The following LHFPL3 variants were observed in gnomAD, a reference collection of about 807,000 sequenced individuals.
LHFPL3 encodes the protein LHFPL tetraspan subfamily member 3, also known as LHFPL tetraspan subfamily member 3 protein.
In LHFPL3, 5 loss-of-function variants were observed where a neutral mutation model predicts 19.3. That is an observed-to-expected ratio of 0.26 (90% CI 0.14 to 0.54). The LOEUF (loss-of-function observed/expected upper bound fraction) is 0.54. Ranked by LOEUF, LHFPL3 falls within the 20% of genes least tolerant of loss-of-function variation. The pLI is 0.94. For synonymous variants in LHFPL3, 133 were observed against 126.2 expected (o/e 1.05, Z -0.36); for missense variants, 249 against 307.4 (o/e 0.81, Z 1.42).
intron 1 of LHFPL3, among the ~76,000 whole-genome samples, chr7:104,705,029 G>A (rs1793167043): frequency 6.6e-6 from 1 of 152,116 alleles, no homozygotes; most frequent in Non-Finnish European, 1.5e-5. Flanking sequence ...ATGGGCTGTG[G>A]TTAATCACAT....
At chr7:104,851,857 C>A (rs1269929973) in intron 2 of LHFPL3, among the ~76,000 whole-genome samples, 2 of 152,114 alleles carry the variant, frequency 1.3e-5, no homozygotes, top group Non-Finnish European at 2.9e-5. Context: ...GCAAAGATAC[C>A]ATCTGCTTGG....
At chr7:104,599,128 C>G (rs781735745) in intron 1 of LHFPL3, among the ~76,000 whole-genome samples, 3 of 152,124 alleles carry the variant, frequency 2.0e-5, no homozygotes, top group Non-Finnish European at 4.4e-5. Flanking sequence ...ATGATTCTTA[C>G]AGATAATAGA....
At chr7:104,495,357 A>G (rs1793441907) in intron 1 of LHFPL3, among the ~76,000 whole-genome samples, 1 of 151,676 alleles carries the variant, frequency 6.6e-6, no homozygotes. Flanking sequence ...ACAGGTGTAC[A>G]CAGCCATGTC....
At chr7:104,782,838 T>C (rs559939327) in intron 2 of LHFPL3, among the ~76,000 whole-genome samples, 1 of 152,374 alleles carries the variant, frequency 6.6e-6, no homozygotes, top group South Asian at 2.1e-4. Context: ...AAGCATGCCA[T>C]GCTTTCACTT....
intron 2 of LHFPL3, chr7:104,785,495 G>A (rs1789894782): frequency 6.6e-6 from 1 of 152,264 alleles, no homozygotes; most frequent in South Asian, 2.1e-4. Context: ...ACCTCCAGCT[G>A]ACTGTCCCAT....
Position 104,736,712 on chromosome 7 carries a change from T to C in LHFPL3, c.483T>C (p.Asp161=), listed in dbSNP as rs771308907. ...TGCTTGGCTGTATGATTTTCCCTGA[T>C]GGCTGGGACTCAGATGAAGTAAAAC... ...CLVLGCMIFP[D]GWDSDEVKRM... The change falls in exon 2 of 3, where the codon GAT becomes GAC. Residue 161 remains aspartate, a synonymous_variant. Coordinates refer to ENST00000424859, the MANE Select transcript of LHFPL3 (RefSeq NM_199000.3). The C allele has an allele frequency of 3.0e-5, 48 of 1,613,572 alleles. No individual in the cohort carries two copies. The Admixed American group carries it at 7.5e-4, about 25-fold the overall frequency.
intron 2 of LHFPL3, among the ~76,000 whole-genome samples, chr7:104,890,135 C>CA (rs1239019542): frequency 1.3e-5 from 2 of 152,064 alleles, no homozygotes; most frequent in African/African-American, 2.4e-5. Flanking sequence ...CTCTTCCCTT[C>CA]AAAAAATAAA....
intron 1 of LHFPL3, among the ~76,000 whole-genome samples, chr7:104,369,944 C>T (rs2116428108): frequency 6.6e-6 from 1 of 152,166 alleles, no homozygotes; most frequent in Admixed American, 6.5e-5. Flanking sequence ...TGTTTTCTCC[C>T]AAGTTATAGC....
chr7:104,836,463 A>T (rs892611204), intron 2 of LHFPL3, among the ~76,000 whole-genome samples: 6 of 152,188 alleles, frequency 3.9e-5, no homozygotes, highest in Non-Finnish European at 8.8e-5. Context: ...AAGCTAGCCC[A>T]CGCAGCCACG....
At chr7:104,737,354 TTGTG>T (rs1246379248) in intron 2 of LHFPL3, among the ~76,000 whole-genome samples, 2 of 152,172 alleles carry the variant, frequency 1.3e-5, no homozygotes. Flanking sequence ...ATTAAACTAT[TTGTG>T]ATAATTGAAT....
At chr7:104,330,947 AT>A (rs1350547411) in intron 1 of LHFPL3, among the ~76,000 whole-genome samples, 1 of 152,232 alleles carries the variant, frequency 6.6e-6, no homozygotes, top group Non-Finnish European at 1.5e-5. Context: ...TCTAAGTTAA[AT>A]GACCTATTTA....
intron 1 of LHFPL3, among the ~76,000 whole-genome samples, chr7:104,361,291 A>C (rs1790387011): frequency 6.6e-6 from 1 of 152,182 alleles, no homozygotes; most frequent in Non-Finnish European, 1.5e-5. Context: ...TTGTTTCAGG[A>C]GCCTTCTAGC....
At chr7:104,516,608 C>T (rs1376965079) in intron 1 of LHFPL3, among the ~76,000 whole-genome samples, 1 of 152,010 alleles carries the variant, frequency 6.6e-6, no homozygotes, top group Non-Finnish European at 1.5e-5. Flanking sequence ...TCCTCTCACA[C>T]TAGTCAGAAT....
At chr7:104,481,628 G>A (rs1477483017) in intron 1 of LHFPL3, among the ~76,000 whole-genome samples, 3 of 151,976 alleles carry the variant, frequency 2.0e-5, no homozygotes, top group Admixed American at 6.6e-5. Flanking sequence ...CATCTGTCTC[G>A]GTGCTCGGTG....
At chr7:104,671,578 A>G (rs1024583508) in intron 1 of LHFPL3, among the ~76,000 whole-genome samples, 6 of 150,358 alleles carry the variant, frequency 4.0e-5, no homozygotes, top group African/African-American at 1.5e-4. Context: ...GTTCAAAAAA[A>G]AAAAAAAAGA....
At chr7:104,605,909 C>G (rs1175459509) in intron 1 of LHFPL3, among the ~76,000 whole-genome samples, 1 of 151,710 alleles carries the variant, frequency 6.6e-6, no homozygotes, top group Admixed American at 6.6e-5. Flanking sequence ...AAAGCTACCC[C>G]GTCTTTTAAC....
chr7:104,750,634 G>A lies in LHFPL3; in HGVS notation c.682+13723G>A, dbSNP rs534715925. On this transcript the variant is annotated intron_variant, in intron 2 of 2. Coordinates refer to ENST00000424859, the MANE Select transcript of LHFPL3 (RefSeq NM_199000.3). Reference sequence around the variant, plus strand: ...TACCCCTGTGGGGATTTTTTGTGGGGGCTCCCCTGGAAGCAGAGAGACTGC... The same window carrying A: ...TACCCCTGTGGGGATTTTTTGTGGGAGCTCCCCTGGAAGCAGAGAGACTGC... Among the ~76,000 whole-genome samples the A allele has an allele frequency of 3.3e-5, 5 of 152,330 alleles. No homozygotes were observed. In the South Asian group the frequency reaches 1.0e-3, roughly 32 times the overall value.
intron 1 of LHFPL3, among the ~76,000 whole-genome samples, chr7:104,570,578 T>C (rs1229053422): frequency 6.6e-6 from 1 of 152,220 alleles, no homozygotes. Context: ...ATTCTCTATC[T>C]GAAGCAAACT....
chr7:104,558,218 G>A (rs1441497160), intron 1 of LHFPL3, among the ~76,000 whole-genome samples: 2 of 151,624 alleles, frequency 1.3e-5, no homozygotes, highest in Admixed American at 6.6e-5. Context: ...TGGATCAAAT[G>A]GTATTTCCAG....
Sources: gnomAD v4.1 joint callset for allele counts (sites outside exome capture counted in the v4.1 genomes callset) on GRCh38, gnomAD v4.1.1 for gene constraint, MANE v1.5 for transcripts, NCBI Gene and HGNC (gene_info 2026-07-23, HGNC 2026-07-21) for gene names.